The following NBPF26 variants were observed in gnomAD, a reference collection of about 807,000 sequenced individuals.
NBPF26 encodes NBPF member 26.
In NBPF26, 79 loss-of-function variants were observed where a neutral mutation model predicts 119.6. That is an observed-to-expected ratio of 0.66 (90% CI 0.55 to 0.80). NBPF26 has a LOEUF of 0.80. Among genes scored for constraint, NBPF26 ranks in the 30% least tolerant of loss-of-function variants. NBPF26 has a pLI of 0.00. For synonymous variants in NBPF26, 299 were observed against 457.7 expected (o/e 0.65, Z 4.43); for missense variants, 800 against 1,198.2 (o/e 0.67, Z 4.91).
exon 2 of NBPF26, chr1:120,763,695 C>G: frequency 7.2e-7 from 1 of 1,379,436 alleles, no homozygotes; most frequent in Non-Finnish European, 9.8e-7. Context: ...ACCACAGTGG[C>G]ACAGGATACT....
chr1:120,795,929 T>C (rs1651545991), intron 4 of NBPF26, among the ~76,000 whole-genome samples: 1 of 24,776 alleles, frequency 4.0e-5, no homozygotes, highest in Non-Finnish European at 8.1e-5. Flanking sequence ...TATGTGTGTG[T>C]GTGTGTGTGT....
intron 19 of NBPF26, among the ~76,000 whole-genome samples, chr1:120,830,069 A>G (rs1486227970): frequency 8.2e-6 from 1 of 122,106 alleles, no homozygotes. Flanking sequence ...GAGCAAGTTT[A>G]TGGAAAATTA....
At chr1:120,808,422 C>A in intron 6 of NBPF26, 123 bp from the exon 7 acceptor site, 1 of 854,350 alleles carries the variant, frequency 1.2e-6, no homozygotes, top group Non-Finnish European at 1.8e-6. Context: ...TTCCTTTCAA[C>A]GTGTGCTGAC....
At chr1:120,810,681 C>T (rs1162229604) in intron 9 of NBPF26, 123 bp downstream of exon 9, 2 of 1,198,670 alleles carry the variant, frequency 1.7e-6, no homozygotes, top group Non-Finnish European at 2.3e-6. Context: ...GAGCTAGGTG[C>T]TGTGACTCAC....
intron 4 of NBPF26, among the ~76,000 whole-genome samples, chr1:120,802,510 A>G (rs1651594209): frequency 8.0e-6 from 1 of 125,236 alleles, no homozygotes; most frequent in Non-Finnish European, 1.6e-5. Context: ...CCTTCGGGAC[A>G]CATGCCTGAG....
In NBPF26 at chr1:120,824,003, G is replaced by A. The variant is rs1553272410; in HGVS notation, c.2669G>A (p.Gly890Glu). ...AGCAGAGAGCTGCTGGATGAGAAAG[G>A]GCCTGAAGTCTTGCAGGACTCACTG... The change falls in exon 18 of 30, where the codon GGG becomes GAG. Residue 890 changes from glycine to glutamate, a missense_variant. By Grantham distance (98) the Gly-to-Glu change is moderately conservative. This residue lies in a region of NBPF26 where 73 missense variants were observed against 50.7 expected (regional missense o/e 1.44). Coordinates refer to ENST00000620612, the Ensembl canonical transcript of NBPF26. The A allele has an allele frequency of 2.6e-5, 22 of 839,576 alleles. 5 individuals carry two copies. The African/African-American group carries it at 1.1e-3, about 41-fold the overall frequency. The allele number at this position is 839,576 out of a possible 1,614,324, so 52.0% of individuals were successfully genotyped here.
At chr1:120,768,064 C>CA (rs1253364331) in intron 2 of NBPF26, among the ~76,000 whole-genome samples, 2 of 101,492 alleles carry the variant, frequency 2.0e-5, no homozygotes, top group Non-Finnish European at 3.6e-5. Context: ...GTTTATCTCC[C>CA]ACTAAAGAAT....
At position 120,765,986 on chromosome 1, in the gene NBPF26, G is replaced by A. The variant is rs1411593809; in HGVS notation, c.155+2277G>A. Among the ~76,000 whole-genome samples the A allele has an allele frequency of 6.6e-5, 2 of 30,464 alleles. 1 individual carries two copies. Among genetic ancestry groups the A allele is most frequent in the Non-Finnish European group, 1.1e-4 (2 of 17,638 alleles). 20.0% of individuals were successfully genotyped at this position (30,464 alleles called of 152,430 possible). On this transcript the variant is annotated intron_variant, in intron 2 of 29. Transcript: ENST00000620612. Reference sequence around the variant, plus strand: ...CACACACTGGGGCCTGTCAGGGGGTGGGGGGAAAGGGAGGGGAGAGCATTA... The same window carrying A: ...CACACACTGGGGCCTGTCAGGGGGTAGGGGGAAAGGGAGGGGAGAGCATTA...
chr1:120,805,284 T>C lies in NBPF26; in HGVS notation c.752-272T>C, dbSNP rs1651653212. 15 of 1,045,592 alleles carry C rather than the reference T, an allele frequency of 1.4e-5. 3 individuals are homozygous for C. The highest frequency in any genetic ancestry group is 2.6e-5 in the East Asian group (1 of 39,204). 64.8% of individuals were successfully genotyped at this position (1,045,592 alleles called of 1,614,324 possible). A position where few individuals can be genotyped will look rare whatever the true frequency, so the allele number is the denominator to read the frequency against. On this transcript the variant is annotated intron_variant, in intron 4 of 29. Transcript: ENST00000620612. Reference sequence around the variant, plus strand: ...ATGACACCCCCACCTTCTAATTCTGTTATTGCAACTGCAGACGGTTACCTG... The same window carrying C: ...ATGACACCCCCACCTTCTAATTCTGCTATTGCAACTGCAGACGGTTACCTG...
In NBPF26 at chr1:120,805,841, T is replaced by C. The variant is rs1651668565; in HGVS notation, c.961+76T>C. The C allele has an allele frequency of 3.5e-6, 4 of 1,151,438 alleles. 1 individual carries two copies. The highest frequency in any genetic ancestry group is 2.7e-5 in the South Asian group (2 of 75,070). 71.3% of individuals were successfully genotyped at this position (1,151,438 alleles called of 1,614,324 possible). On this transcript the variant is annotated intron_variant, in intron 5 of 29. Coordinates refer to ENST00000620612, the Ensembl canonical transcript of NBPF26. ...TCTCTCTGAGACACTAAATGCTCTCTCCATCAAAAAGAATTTCATCCTTCC... is the reference window on the plus strand; with the variant it reads ...TCTCTCTGAGACACTAAATGCTCTCCCCATCAAAAAGAATTTCATCCTTCC...
rs1651105391 is a variant in NBPF26, at chr1:120,759,001, ATT to A, written c.74-4624_74-4623del. On this transcript the variant is annotated intron_variant, in intron 1 of 29. Coordinates refer to ENST00000620612, the Ensembl canonical transcript of NBPF26. ...TTATCGCTTATTACTGTCCTAAATT[ATT>A]TTATTAATTTTTTAGCCACCTTTCT... is the stretch of plus-strand genomic sequence containing the variant. 1.8e-5 allele frequency among the ~76,000 whole-genome samples: 2 copies of A among 111,524 alleles called. 1 individual carries two copies. 73.2% of individuals were successfully genotyped at this position (111,524 alleles called of 152,430 possible). A position where few individuals can be genotyped will look rare whatever the true frequency, so the allele number is the denominator to read the frequency against.
chr1:120,747,772 T>G (rs1283499986), intron 1 of NBPF26, among the ~76,000 whole-genome samples: 1 of 30,102 alleles, frequency 3.3e-5, no homozygotes, highest in Non-Finnish European at 5.9e-5. Flanking sequence ...GAATGTAAAT[T>G]GAAGAGTTTA....
In NBPF26 at chr1:120,817,160, A is replaced by C. The variant is rs1212513841; in HGVS notation, c.2371+333A>C. 3.4e-5 allele frequency among the ~76,000 whole-genome samples: 4 copies of C among 115,972 alleles called. 1 individual carries two copies. The highest frequency in any genetic ancestry group is 6.6e-5 in the Non-Finnish European group (4 of 60,750). 76.1% of individuals were successfully genotyped at this position (115,972 alleles called of 152,430 possible). A position where few individuals can be genotyped will look rare whatever the true frequency, so the allele number is the denominator to read the frequency against. On this transcript the variant is annotated intron_variant, in intron 14 of 29. Coordinates refer to ENST00000620612, the Ensembl canonical transcript of NBPF26. The stretch of plus-strand genomic sequence containing the variant: ...ATCTGTCCCTGAACAATGTCCATGG[A>C]GTTTCTATGCCTGTTTAAGGAAGCT...
chr1:120,805,641 T>G, exon 5 of NBPF26: 1 of 1,461,708 alleles, frequency 6.8e-7, no homozygotes, highest in Non-Finnish European at 9.2e-7. Context: ...AGATGAACAT[T>G]CTAGAAATCA....
At chr1:120,745,815 C>CAA (rs1357711195) in intron 1 of NBPF26, among the ~76,000 whole-genome samples, 7 of 15,502 alleles carry the variant, frequency 4.5e-4, no homozygotes, top group Non-Finnish European at 6.1e-4. Context: ...GACTGCATCT[C>CAA]AAAAAAAAAA....
At chr1:120,811,556 C>T in intron 9 of NBPF26, among the ~76,000 whole-genome samples, 1 of 112,972 alleles carries the variant, frequency 8.9e-6, no homozygotes, top group Non-Finnish European at 1.7e-5. Flanking sequence ...AACAAAAAAA[C>T]CAAAAAAGAA....
intron 1 of NBPF26, among the ~76,000 whole-genome samples, chr1:120,727,806 T>TC (rs1429543597): frequency 2.6e-5 from 3 of 117,456 alleles, no homozygotes; most frequent in East Asian, 2.1e-4. Flanking sequence ...TGTTTTTGTT[T>TC]CCCCCCCTTT....
At chr1:120,818,759 G>T (rs1652066654) in intron 15 of NBPF26, among the ~76,000 whole-genome samples, 1 of 120,514 alleles carries the variant, frequency 8.3e-6, no homozygotes, top group African/African-American at 4.0e-5. Context: ...TCATTCAGGA[G>T]CAGGTTGTTC....
rs1236086562 is a variant in NBPF26, at chr1:120,823,343, C to T, written c.2622C>T (p.His874=). The T allele has an allele frequency of 4.4e-5, 62 of 1,418,658 alleles. 9 individuals are homozygous for T. Among genetic ancestry groups the T allele is most frequent in the East Asian group, 1.9e-4 (8 of 42,586 alleles). The allele number at this position is 1,418,658 out of a possible 1,614,324, so 87.9% of individuals were successfully genotyped here. Residue 874 remains histidine (H), a synonymous_variant, in exon 17 of 30, where the codon CAC becomes CAT. Transcript: ENST00000620612. ...GGGATCAAGTGAAAAAGGAGGACCACGAGGCAACAGGTCCCAGGTGAGTCT... is the reference window on the plus strand; with the variant it reads ...GGGATCAAGTGAAAAAGGAGGACCATGAGGCAACAGGTCCCAGGTGAGTCT...
Sources: allele counts gnomAD v4.1 joint callset (sites outside exome capture counted in the v4.1 genomes callset), GRCh38; gene constraint gnomAD v4.1.1; regional missense constraint gnomAD v4.1.1; transcripts MANE v1.5; gene names NCBI Gene and HGNC (gene_info 2026-07-23, HGNC 2026-07-21).